Variants in GOLIM4 observed in about 807,000 individuals in gnomAD.
GOLIM4 encodes 130 kDa golgi-localized phosphoprotein.
GOLIM4 carries 71 observed loss-of-function variants against 107.4 expected under a neutral mutation model. The observed-to-expected ratio is 0.66, with a 90% CI of 0.55 to 0.81. The LOEUF (loss-of-function observed/expected upper bound fraction) is 0.81, where lower values mean the gene tolerates loss of function less well. Among genes scored for constraint, GOLIM4 ranks in the 30% least tolerant of loss-of-function variants. The pLI, the probability that GOLIM4 is intolerant of heterozygous loss-of-function variation, is 0.00. For synonymous variants in GOLIM4, 327 were observed against 294.8 expected, an observed-to-expected ratio of 1.11 and a Z score of -1.12; for missense variants, 830 against 826.1, an observed-to-expected ratio of 1.00 and a Z score of -0.06.
chr3:168,085,556 G>A lies in GOLIM4; in HGVS notation c.187+9543C>T, dbSNP rs545871147. ...GAACCACTGCCTATTTGGACCAAAA[G>A]GGGTAGAAGCAGTACTAAATTTAAA... is the stretch of plus-strand genomic sequence containing the variant. On this transcript the variant is annotated intron_variant, in intron 1 of 15. Coordinates refer to ENST00000470487, the MANE Select transcript of GOLIM4 (RefSeq NM_014498.5). Among the ~76,000 whole-genome samples, 16 of 152,318 alleles carry A rather than the reference G, an allele frequency of 1.1e-4. No homozygotes were observed. The South Asian group carries it at 2.5e-3, about 24-fold the overall frequency.
intron 7 of GOLIM4, 128 bp downstream of exon 7, chr3:168,040,658 A>T (rs1433442443): frequency 1.8e-6 from 1 of 547,226 alleles, no homozygotes; most frequent in Admixed American, 2.9e-5. Flanking sequence ...CATGATCCTC[A>T]GGATTAGGAT....
intron 1 of GOLIM4, among the ~76,000 whole-genome samples, chr3:168,079,308 A>C (rs191610570): frequency 2.3e-4 from 35 of 152,336 alleles, no homozygotes; most frequent in African/African-American, 8.4e-4. Flanking sequence ...GTTAAGCAAA[A>C]GAAGCCAGAC....
At chr3:168,014,156 GA>G (rs1323771785) in intron 14 of GOLIM4, among the ~76,000 whole-genome samples, 3 of 149,186 alleles carry the variant, frequency 2.0e-5, no homozygotes, top group African/African-American at 7.6e-5. Flanking sequence ...GACTAATAAA[GA>G]AAAAAAGAGA....
At chr3:168,039,067 C>T (rs948223782) in intron 7 of GOLIM4, among the ~76,000 whole-genome samples, 7 of 152,204 alleles carry the variant, frequency 4.6e-5, no homozygotes, top group African/African-American at 1.7e-4. Context: ...GTGAGAAATA[C>T]ATTTCCATAG....
intron 12 of GOLIM4, among the ~76,000 whole-genome samples, chr3:168,027,499 GT>G (rs367786849): frequency 0.076 from 10,920 of 143,858 alleles, 458 homozygotes; most frequent in African/African-American, 0.12. Context: ...TCCTGGTTTT[GT>G]TTTTTTTTTT....
chr3:168,009,844 C>T lies in GOLIM4; in HGVS notation c.*425G>A, dbSNP rs773766056. On this transcript the variant is annotated 3_prime_UTR_variant, in exon 16 of 16. Transcript: ENST00000470487. ...GAAGGGCAGCAATTAGTAAACAGGC[C>T]ATTCTCTTTAAAGTCTGCATGGCAT... The T allele has an allele frequency of 6.5e-6, 1 of 154,546 alleles. No individual in the cohort carries two copies. Among genetic ancestry groups the T allele is most frequent in the Non-Finnish European group, 1.4e-5 (1 of 69,916 alleles). The allele number at this position is 154,546 out of a possible 1,614,324, so 9.6% of individuals were successfully genotyped here. A position where few individuals can be genotyped will look rare whatever the true frequency, so the allele number is the denominator to read the frequency against.
At chr3:168,090,701 A>C (rs959129830) in intron 1 of GOLIM4, among the ~76,000 whole-genome samples, 1 of 152,212 alleles carries the variant, frequency 6.6e-6, no homozygotes, top group Non-Finnish European at 1.5e-5. Context: ...ATAATTATAC[A>C]AAAAAGATAC....
At chr3:168,056,308 A>T (rs914229784) in intron 1 of GOLIM4, among the ~76,000 whole-genome samples, 8 of 152,226 alleles carry the variant, frequency 5.3e-5, no homozygotes, top group Admixed American at 3.9e-4. Flanking sequence ...TAGATTTCAG[A>T]AGATGTATGG....
chr3:168,034,415 T>C (rs185025085), intron 8 of GOLIM4, among the ~76,000 whole-genome samples: 451 of 152,348 alleles, frequency 3.0e-3, no homozygotes, highest in African/African-American at 0.01. Context: ...GCCAGTGATC[T>C]GGTCATGCTC....
Position 168,044,864 on chromosome 3 carries a change from T to A in GOLIM4, c.330A>T (p.Arg110Ser). The stretch of plus-strand genomic sequence containing the variant: ...GATGTTGGACATTCAGTGCACTGTA[T>A]CTGCTATTGGAATCTTGCTGTAAAT... ...LNKGRQDSNSRYSALNVQHQM... is the reference protein window; with the variant it reads ...LNKGRQDSNSSYSALNVQHQM... Residue 110 changes from arginine to serine, a missense_variant, in exon 4 of 16, where the codon AGA becomes AGT. Transcript: ENST00000470487. The A allele has an allele frequency of 6.4e-7, 1 of 1,562,008 alleles. No homozygotes were observed. Among genetic ancestry groups the A allele is most frequent in the Non-Finnish European group, 8.7e-7 (1 of 1,151,982 alleles).
At chr3:168,062,801 C>T (rs1421614747) in intron 1 of GOLIM4, among the ~76,000 whole-genome samples, 1 of 152,114 alleles carries the variant, frequency 6.6e-6, no homozygotes, top group African/African-American at 2.4e-5. Flanking sequence ...GAAATAGAAT[C>T]AAAATGCCTG....
intron 1 of GOLIM4, among the ~76,000 whole-genome samples, chr3:168,071,175 T>C (rs910552532): frequency 2.0e-5 from 3 of 152,182 alleles, no homozygotes; most frequent in African/African-American, 7.2e-5. Context: ...TTGGCATGCA[T>C]GGAGGAAAGG....
At chr3:168,040,986 G>C in intron 6 of GOLIM4, 117 bp from the exon 7 acceptor site, 1 of 675,300 alleles carries the variant, frequency 1.5e-6, no homozygotes, top group Non-Finnish European at 2.6e-6. Context: ...TGTTGTAGCA[G>C]CATGTGTTAA....
At chr3:168,033,588 CAG>C (rs1335049932) in intron 8 of GOLIM4, among the ~76,000 whole-genome samples, 4 of 97,466 alleles carry the variant, frequency 4.1e-5, no homozygotes, top group Non-Finnish European at 5.5e-5. Flanking sequence ...GCCTGGGCGA[CAG>C]AGCAAGACTC....
rs1553791594 is a variant in GOLIM4 at position 168,009,426 on chromosome 3, C to CAAAAAAAAAAA, written c.*842_*843insTTTTTTTTTTT. The CAAAAAAAAAAA allele has an allele frequency of 2.7e-3, 24 of 8,738 alleles. 1 individual carries two copies. In the South Asian group the frequency reaches 0.11, roughly 40 times the overall value. The allele number at this position is 8,738 out of a possible 1,614,324, so 0.5% of individuals were successfully genotyped here. A position where few individuals can be genotyped will look rare whatever the true frequency, so the allele number is the denominator to read the frequency against. On this transcript the variant is annotated 3_prime_UTR_variant, in exon 16 of 16. Coordinates refer to ENST00000470487, the MANE Select transcript of GOLIM4 (RefSeq NM_014498.5). ...AAACAAGAATATCAATCAATGGCTT[C>CAAAAAAAAAAA]AAACAAAAAAAAAAAAAAAAAATTG...
chr3:168,051,409 A>G (rs898116332), intron 1 of GOLIM4, among the ~76,000 whole-genome samples: 1 of 152,212 alleles, frequency 6.6e-6, no homozygotes, highest in African/African-American at 2.4e-5. Context: ...GTGTCTCAAG[A>G]GCCAGGAGAT....
At position 168,011,714 on chromosome 3, in the gene GOLIM4, C is replaced by T. The variant is rs998880539; in HGVS notation, c.1861-891G>A. Among the ~76,000 whole-genome samples the T allele has an allele frequency of 1.2e-3, 172 of 139,252 alleles. 6 individuals carry two copies. Among genetic ancestry groups the T allele is most frequent in the African/African-American group, 5.6e-3 (166 of 29,874 alleles). The allele number at this position is 139,252 out of a possible 152,430, so 91.4% of individuals were successfully genotyped here. ...GGAGATCTGAGAACGGGCAGACTGC[C>T]TCCTCAAGTGGGTCCCTGACCCCTT... On this transcript the variant is annotated intron_variant, in intron 14 of 15. Transcript: ENST00000470487.
chr3:168,015,435 G>C (rs1717308105), intron 14 of GOLIM4, among the ~76,000 whole-genome samples: 1 of 135,964 alleles, frequency 7.4e-6, no homozygotes, highest in African/African-American at 3.6e-5. Flanking sequence ...TGGGTAGGAA[G>C]AATCAATATC....
intron 1 of GOLIM4, among the ~76,000 whole-genome samples, chr3:168,072,823 A>G (rs1445411000): frequency 6.6e-6 from 1 of 152,084 alleles, no homozygotes; most frequent in Non-Finnish European, 1.5e-5. Flanking sequence ...AACAATCACT[A>G]CTCAGAGAAC....
Sources: gnomAD v4.1 joint callset for allele counts (sites outside exome capture counted in the v4.1 genomes callset) on GRCh38, gnomAD v4.1.1 for gene constraint, MANE v1.5 for transcripts, NCBI Gene and HGNC (gene_info 2026-07-23, HGNC 2026-07-21) for gene names.